Variants in SH2D1A observed in about 807,000 individuals in gnomAD.
SH2D1A encodes SH2 domain-containing protein 1A.
In SH2D1A, 6 loss-of-function variants were observed where a neutral mutation model predicts 10.1. The observed-to-expected ratio is 0.60, with a 90% confidence interval of 0.33 to 1.18. The LOEUF is 1.18. Ranked by LOEUF, SH2D1A falls within the 50% of genes most tolerant of loss-of-function variation. The probability of loss-of-function intolerance (pLI) is 0.04; values close to 1 mark genes in which losing one functional copy is unlikely to be tolerated. For missense variants in SH2D1A, 51 were observed against 97.6 expected (o/e 0.52, Z 2.01); for synonymous variants, 42 against 36.9 (o/e 1.14, Z -0.51).
chrX:124,348,758 C>T (rs1328262402), intron 1 of SH2D1A, among the ~76,000 whole-genome samples: 2 of 111,962 alleles, frequency 1.8e-5, no homozygotes, highest in Non-Finnish European at 3.8e-5. Flanking sequence ...GTCTCCATCA[C>T]CAGAAACACA....
At chrX:124,365,341 T>C (rs1044947840) in intron 1 of SH2D1A, among the ~76,000 whole-genome samples, 23 of 110,726 alleles carry the variant, frequency 2.1e-4, no homozygotes, top group Non-Finnish European at 4.0e-4. Context: ...TAATTATTTA[T>C]GTGGGCCTGA....
In SH2D1A at chrX:124,356,172, C is replaced by T. The variant is rs186088711; in HGVS notation, c.137+9393C>T. Among the ~76,000 whole-genome samples, 263 of 107,513 alleles carry T rather than the reference C, an allele frequency of 2.4e-3. 2 individuals carry two copies. The highest frequency in any genetic ancestry group is 8.4e-3 in the African/African-American group (248 of 29,460). 93.4% of individuals were successfully genotyped at this position (107,513 alleles called of 115,157 possible). A position where few individuals can be genotyped will look rare whatever the true frequency, so the allele number is the denominator to read the frequency against. ...TGCAGTGTTTGGTTTTCTGTCCTTG[C>T]GATAGTTTGCTGAGAATGATCGTTT... On this transcript the variant is annotated intron_variant, in intron 1 of 3. Coordinates refer to ENST00000371139, the MANE Select transcript of SH2D1A (RefSeq NM_002351.5).
chrX:124,368,170 CAG>C (rs748605832), intron 2 of SH2D1A, among the ~76,000 whole-genome samples: 16 of 111,174 alleles, frequency 1.4e-4, no homozygotes, highest in Non-Finnish European at 2.5e-4. Flanking sequence ...TGTTTTGAGA[CAG>C]AGTCTCACTC....
intron 1 of SH2D1A, among the ~76,000 whole-genome samples, chrX:124,350,727 GATATA>G (rs2060011207): frequency 6.0e-5 from 1 of 16,609 alleles, no homozygotes; most frequent in Non-Finnish European, 7.8e-5. Context: ...TTGTATATAA[GATATA>G]ATATATTATA....
intron 1 of SH2D1A, among the ~76,000 whole-genome samples, chrX:124,350,379 T>C (rs1250520916): frequency 3.5e-5 from 1 of 28,259 alleles, no homozygotes; most frequent in African/African-American, 1.5e-4. Flanking sequence ...TAATATATAA[T>C]ATATAAATAT....
intron 1 of SH2D1A, among the ~76,000 whole-genome samples, chrX:124,362,624 T>C (rs1476243649): frequency 1.8e-5 from 2 of 111,681 alleles, no homozygotes; most frequent in Admixed American, 1.9e-4. Context: ...TAATTTTATT[T>C]AGATGAGACT....
At chrX:124,366,812 A>G (rs1481238198) in intron 2 of SH2D1A, among the ~76,000 whole-genome samples, 1 of 109,701 alleles carries the variant, frequency 9.1e-6, no homozygotes, top group African/African-American at 3.3e-5. Context: ...GTATCACTGC[A>G]GAGATGATTG....
intron 1 of SH2D1A, among the ~76,000 whole-genome samples, chrX:124,352,791 G>A (rs747726671): frequency 1.8e-5 from 2 of 111,146 alleles, no homozygotes; most frequent in Non-Finnish European, 3.8e-5. Context: ...CCCTGTAGTG[G>A]GATTCCTCAA....
At chrX:124,365,938 CTA>C in intron 2 of SH2D1A, 114 bp downstream of exon 2, 1 of 522,801 alleles carries the variant, frequency 1.9e-6, no homozygotes, top group Non-Finnish European at 3.4e-6. Context: ...GTTTAAATCT[CTA>C]AAGCTCCAAT....
chrX:124,365,061 G>A (rs1322757083), intron 1 of SH2D1A, among the ~76,000 whole-genome samples: 1 of 110,903 alleles, frequency 9.0e-6, no homozygotes, highest in African/African-American at 3.3e-5. Flanking sequence ...CAGGTTTGTA[G>A]CCTGGAGTAA....
At chrX:124,354,625 A>G (rs1438456019) in intron 1 of SH2D1A, among the ~76,000 whole-genome samples, 2 of 111,661 alleles carry the variant, frequency 1.8e-5, no homozygotes, top group African/African-American at 3.3e-5. Context: ...TCTTACCTGT[A>G]AAACGGCAGA....
intron 2 of SH2D1A, among the ~76,000 whole-genome samples, chrX:124,369,695 T>C (rs1199089601): frequency 8.9e-6 from 1 of 112,140 alleles, no homozygotes. Flanking sequence ...TGTGTAGCAT[T>C]TTATATTGTG....
At chrX:124,353,798 A>G (rs1185242530) in intron 1 of SH2D1A, among the ~76,000 whole-genome samples, 1 of 112,479 alleles carries the variant, frequency 8.9e-6, no homozygotes, top group East Asian at 2.8e-4. Flanking sequence ...TCAAGGACAC[A>G]TAATGAAGTC....
At chrX:124,369,976 T>C (rs1292819634) in intron 2 of SH2D1A, among the ~76,000 whole-genome samples, 200 bp from the exon 3 acceptor site, 1 of 111,439 alleles carries the variant, frequency 9.0e-6, no homozygotes, top group Non-Finnish European at 1.9e-5. Flanking sequence ...AAATGACAGC[T>C]CATTAGCTCC....
At chrX:124,352,241 A>G (rs2060016878) in intron 1 of SH2D1A, among the ~76,000 whole-genome samples, 1 of 111,354 alleles carries the variant, frequency 9.0e-6, no homozygotes, top group Admixed American at 9.6e-5. Flanking sequence ...AATATAATTT[A>G]TAAATACAAC....
At chrX:124,352,693 T>A (rs964314589) in intron 1 of SH2D1A, among the ~76,000 whole-genome samples, 1 of 112,178 alleles carries the variant, frequency 8.9e-6, no homozygotes, top group Non-Finnish European at 1.9e-5. Context: ...GACTCTTCTA[T>A]ATCTTGGCTA....
intron 1 of SH2D1A, among the ~76,000 whole-genome samples, chrX:124,357,829 A>AT (rs376850085): frequency 0.014 from 1,450 of 102,983 alleles, 31 homozygotes; most frequent in African/African-American, 0.048. Flanking sequence ...ATTTTATTTT[A>AT]TTTTTTTTGC....
chrX:124,367,987 T>C (rs2060059944), intron 2 of SH2D1A, among the ~76,000 whole-genome samples: 2 of 111,941 alleles, frequency 1.8e-5, no homozygotes, highest in Admixed American at 1.9e-4. Flanking sequence ...ATTGTCCTTA[T>C]TAATCTAAGT....
chrX:124,363,023 G>A (rs1456678069), intron 1 of SH2D1A, among the ~76,000 whole-genome samples: 1 of 111,167 alleles, frequency 9.0e-6, no homozygotes, highest in East Asian at 2.8e-4. Flanking sequence ...CTCGATCTTG[G>A]ACTTTCCAGC....
Sources: allele counts gnomAD v4.1 joint callset (sites outside exome capture counted in the v4.1 genomes callset), GRCh38; gene constraint gnomAD v4.1.1; transcripts MANE v1.5; gene names NCBI Gene and HGNC (gene_info 2026-07-23, HGNC 2026-07-21).